Variants in GALNT5 observed in about 807,000 individuals in gnomAD.
GALNT5 encodes polypeptide N-acetylgalactosaminyltransferase 5.
In GALNT5, 72 loss-of-function variants were observed where a neutral mutation model predicts 85.4. The ratio of observed to expected loss-of-function variants is 0.84; its 90% CI spans 0.70 to 1.03. The LOEUF (loss-of-function observed/expected upper bound fraction) is 1.03, where lower values mean the gene tolerates loss of function less well. Ranked by LOEUF, GALNT5 falls within the 50% of genes least tolerant of loss-of-function variation. GALNT5 has a pLI of 0.00. For synonymous variants in GALNT5, 404 were observed against 397.0 expected, an observed-to-expected ratio of 1.02 and a Z score of -0.21; for missense variants, 1,137 against 1,135.5, an observed-to-expected ratio of 1.00 and a Z score of -0.02.
intron 7 of GALNT5, chr2:157,301,386 A>C: frequency 4.1e-6 from 1 of 246,856 alleles, no homozygotes; most frequent in Middle Eastern, 1.5e-3. Flanking sequence ...AACAGGCCAC[A>C]GTTGATGACT....
chr2:157,288,915 G>A (rs1463702899), intron 3 of GALNT5, among the ~76,000 whole-genome samples: 1 of 152,174 alleles, frequency 6.6e-6, no homozygotes, highest in Non-Finnish European at 1.5e-5. Flanking sequence ...CGTCAGATAA[G>A]ATGTGAAGAG....
chr2:157,304,871 C>T (rs1439237696), intron 7 of GALNT5, among the ~76,000 whole-genome samples: 2 of 152,122 alleles, frequency 1.3e-5, no homozygotes, highest in East Asian at 1.9e-4. Flanking sequence ...AGTGCAGCAC[C>T]CTGAGTTAGA....
At chr2:157,283,108 A>G (rs534749205) in intron 1 of GALNT5, among the ~76,000 whole-genome samples, 5 of 152,344 alleles carry the variant, frequency 3.3e-5, no homozygotes, top group African/African-American at 1.2e-4. Flanking sequence ...TTTTGGAGCC[A>G]GACTGGATCA....
intron 3 of GALNT5, among the ~76,000 whole-genome samples, chr2:157,295,137 A>G (rs1026500064): frequency 6.7e-6 from 1 of 149,536 alleles, no homozygotes; most frequent in Non-Finnish European, 1.5e-5. Flanking sequence ...CTCCATACCC[A>G]TTAATCAGTA....
chr2:157,317,304 T>C lies in GALNT5; in HGVS notation c.*5956T>C, dbSNP rs945769426. 6.6e-6 allele frequency among the ~76,000 whole-genome samples: 1 copy of C among 151,868 alleles called. No homozygotes were observed. Among genetic ancestry groups the C allele is most frequent in the Non-Finnish European group, 1.5e-5 (1 of 67,924 alleles). ...TAGATATTTTTAACTCTTTCAGGTG[T>C]ATAGCTTTGTCTGCATCTGGCCTTC... On this transcript the variant is annotated 3_prime_UTR_variant, in exon 10 of 10. Transcript: ENST00000259056.
intron 5 of GALNT5, chr2:157,299,302 C>T: frequency 2.7e-6 from 1 of 375,916 alleles, no homozygotes; most frequent in South Asian, 4.4e-5. Context: ...CAGTTTGTGT[C>T]ACAGTATAAA....
chr2:157,316,000 C>T lies in GALNT5; in HGVS notation c.*4652C>T, dbSNP rs548345313. On this transcript the variant is annotated 3_prime_UTR_variant, in exon 10 of 10. Transcript: ENST00000259056. ...GGCGGTGATTGATATACATAGGGCC[C>T]GGGGATTGGTTTAACCAGGTATACT... Among the ~76,000 whole-genome samples, 43 of 152,068 alleles carry T rather than the reference C, an allele frequency of 2.8e-4. No individual in the cohort carries two copies. The highest frequency in any genetic ancestry group is 8.9e-4 in the African/African-American group (37 of 41,478).
chr2:157,274,754 C>G (rs1195435064), intron 1 of GALNT5, among the ~76,000 whole-genome samples: 1 of 152,096 alleles, frequency 6.6e-6, no homozygotes, highest in Non-Finnish European at 1.5e-5. Context: ...GGGTAGATTG[C>G]AAAAATTTTC....
At position 157,259,597 on chromosome 2, in the gene GALNT5, G is replaced by T. The variant is rs572873507; in HGVS notation, c.1454+61G>T. 1.6e-4 allele frequency: 187 copies of T among 1,154,096 alleles called. 2 individuals carry two copies. The South Asian group carries it at 4.2e-3, about 26-fold the overall frequency. The allele number at this position is 1,154,096 out of a possible 1,614,324, so 71.5% of individuals were successfully genotyped here. On this transcript the variant is annotated intron_variant, in intron 1 of 9. Coordinates refer to ENST00000259056, the MANE Select transcript of GALNT5 (RefSeq NM_014568.3). ...AGTGCTTTGGCTGTTATGTAAAGAGGATTTATTGCTAGATAATTCTGTGTG... is the reference window on the plus strand; with the variant it reads ...AGTGCTTTGGCTGTTATGTAAAGAGTATTTATTGCTAGATAATTCTGTGTG...
intron 1 of GALNT5, among the ~76,000 whole-genome samples, chr2:157,276,334 C>T (rs1317103388): frequency 6.6e-6 from 1 of 152,098 alleles, no homozygotes; most frequent in Admixed American, 6.5e-5. Flanking sequence ...TGATGCTGGC[C>T]TCATAAAATG....
rs374448113 is a variant in GALNT5 at position 157,289,997 on chromosome 2, C to G, written c.1741+3863C>G. ...GCTGAGGCAGAGAATCTCTTGAACC[C>G]GGGAGGCGGAGGTTGCAGTGAGCCA... On this transcript the variant is annotated intron_variant, in intron 3 of 9. Coordinates refer to ENST00000259056, the MANE Select transcript of GALNT5 (RefSeq NM_014568.3). Among the ~76,000 whole-genome samples, 14 of 150,790 alleles carry G rather than the reference C, an allele frequency of 9.3e-5. No homozygotes were observed. The East Asian group carries it at 2.5e-3, about 27-fold the overall frequency.
chr2:157,280,654 A>G (rs1377344958), intron 1 of GALNT5, among the ~76,000 whole-genome samples: 1 of 152,216 alleles, frequency 6.6e-6, no homozygotes, highest in Non-Finnish European at 1.5e-5. Context: ...AGTATCATCC[A>G]AGGAATAGCC....
Position 157,300,778 on chromosome 2 carries a change from A to G in GALNT5, c.2218A>G (p.Thr740Ala). The G allele has an allele frequency of 6.2e-7, 1 of 1,614,074 alleles. No homozygotes were observed. The highest frequency in any genetic ancestry group is 8.5e-7 in the Non-Finnish European group (1 of 1,179,970). The change falls in exon 7 of 10, where the codon ACA (threonine) becomes GCA (alanine). Residue 740 changes from threonine to alanine, a missense_variant. Thr to Ala is a moderately conservative substitution (Grantham distance 58, BLOSUM62 0). Coordinates refer to ENST00000259056, the MANE Select transcript of GALNT5 (RefSeq NM_014568.3). ...PYSFPKDRMK[T>A]VERNLVRVAE... ...TTCCTTCCCCAAAGACCGGATGAAG[A>G]CAGTGGAGCGGAACTTGGTGCGGGT...
At chr2:157,282,600 A>G (rs1025282003) in intron 1 of GALNT5, among the ~76,000 whole-genome samples, 1 of 152,158 alleles carries the variant, frequency 6.6e-6, no homozygotes, top group African/African-American at 2.4e-5. Context: ...TTTATATGTA[A>G]TCTTATAGGT....
rs1211584791 is a variant in GALNT5, at chr2:157,257,779, T to G, written c.-304T>G. On this transcript the variant is annotated 5_prime_UTR_variant, in exon 1 of 10. Transcript: ENST00000259056. ...CCCGGAGACAAGACAAGTGATATGT[T>G]GAACTGTTCGGTGGCTGGAATCAAC... The G allele has an allele frequency of 8.3e-6, 3 of 359,840 alleles. No homozygotes were observed. The highest frequency in any genetic ancestry group is 4.2e-5 in the Admixed American group (1 of 23,706). 22.3% of individuals were successfully genotyped at this position (359,840 alleles called of 1,614,324 possible).
chr2:157,266,138 AG>A (rs1682452688), intron 1 of GALNT5, among the ~76,000 whole-genome samples: 1 of 152,234 alleles, frequency 6.6e-6, no homozygotes. Context: ...CCTATCAATC[AG>A]GAGCGGTGCG....
intron 7 of GALNT5, chr2:157,302,710 G>C (rs1431765752): frequency 1.3e-5 from 2 of 152,178 alleles, no homozygotes; most frequent in African/African-American, 4.8e-5. Context: ...GGGCTCCGCT[G>C]TTGCGCTAAC....
Position 157,305,959 on chromosome 2 carries a change from T to C in GALNT5, c.2520+130T>C, listed in dbSNP as rs1683446744. 6.5e-6 allele frequency: 4 copies of C among 616,642 alleles called. No homozygotes were observed. The East Asian group carries it at 1.1e-4, about 17-fold the overall frequency. 38.2% of individuals were successfully genotyped at this position (616,642 alleles called of 1,614,324 possible). A position where few individuals can be genotyped will look rare whatever the true frequency, so the allele number is the denominator to read the frequency against. Reference sequence around the variant, plus strand: ...TCTAAATTTCTTTGTAAAAAGAGAGTCCACCACTAAACACAAAGACAGTGA... The same window carrying C: ...TCTAAATTTCTTTGTAAAAAGAGAGCCCACCACTAAACACAAAGACAGTGA... On this transcript the variant is annotated intron_variant, in intron 8 of 9. Coordinates refer to ENST00000259056, the MANE Select transcript of GALNT5 (RefSeq NM_014568.3).
chr2:157,308,850 T>C, intron 9 of GALNT5, 122 bp downstream of exon 9: 2 of 698,364 alleles, frequency 2.9e-6, no homozygotes. Flanking sequence ...CATGGGATTA[T>C]GTAAAAGTTC....
Sources: allele counts gnomAD v4.1 joint callset (sites outside exome capture counted in the v4.1 genomes callset), GRCh38; gene constraint gnomAD v4.1.1; transcripts MANE v1.5; gene names NCBI Gene and HGNC (gene_info 2026-07-23, HGNC 2026-07-21).